The following NCAPH variants were observed in gnomAD, a reference collection of about 807,000 sequenced individuals.
The protein encoded by NCAPH is condensin complex subunit 2.
A neutral mutation model predicts 85.5 loss-of-function variants in NCAPH; 38 were observed. The ratio of observed to expected loss-of-function variants is 0.44; its 90% CI spans 0.34 to 0.58. The LOEUF (loss-of-function observed/expected upper bound fraction) is 0.58. NCAPH is among the 20% of genes least tolerant of loss of function. The probability of loss-of-function intolerance (pLI) is 0.01; values close to 1 mark genes in which losing one functional copy is unlikely to be tolerated. For synonymous variants in NCAPH, 301 were observed against 335.1 expected (o/e 0.90, Z 1.11); for missense variants, 789 against 916.6 (o/e 0.86, Z 1.80).
At chr2:96,363,493 GTTTA>G (rs2064654607) in intron 12 of NCAPH, among the ~76,000 whole-genome samples, 4 of 152,280 alleles carry the variant, frequency 2.6e-5, no homozygotes, top group East Asian at 3.9e-4. Context: ...CACATTGTGG[GTTTA>G]TTTGAGTTGT....
chr2:96,352,160 T>A, intron 7 of NCAPH, 140 bp downstream of exon 7: 1 of 865,070 alleles, frequency 1.2e-6, no homozygotes, highest in Non-Finnish European at 1.8e-6. Flanking sequence ...CCAAATTGTG[T>A]ATCCTTTTGG....
chr2:96,353,178 C>T (rs1470691865), intron 7 of NCAPH, 128 bp from the exon 8 acceptor site: 1 of 751,322 alleles, frequency 1.3e-6, no homozygotes. Context: ...ATACTTGAGC[C>T]TTTGCTGGAG....
Position 96,364,598 on chromosome 2 carries a change from G to C in NCAPH, c.1698+7G>C, listed in dbSNP as rs777535139. The C allele has an allele frequency of 1.0e-5, 16 of 1,571,064 alleles. No individual in the cohort carries two copies. Among genetic ancestry groups the C allele is most frequent in the East Asian group, 4.5e-5 (2 of 44,664 alleles). On this transcript the variant is annotated splice_region_variant and intron_variant, in intron 13 of 17. Transcript: ENST00000240423. ...CTTTTGCCCTGGATTACAGGTAAAG[G>C]GGGGAAAGGGGCTCTGTCCTCTCTT...
intron 10 of NCAPH, chr2:96,359,560 G>T: frequency 3.8e-6 from 1 of 260,426 alleles, no homozygotes; most frequent in South Asian, 6.9e-5. Context: ...AACTCCAAAG[G>T]GCTGTGCTGA....
Position 96,335,997 on chromosome 2 carries a change from G to C in NCAPH, c.19+149G>C, listed in dbSNP as rs887790969. On this transcript the variant is annotated intron_variant, in intron 1 of 17. Coordinates refer to ENST00000240423, the MANE Select transcript of NCAPH (RefSeq NM_015341.5). ...TGCGGCTGACAGCAGAGGCCGGTGC[G>C]GGGGGAGGGGAGGGCCGGCGCGGGG... 2.8e-5 allele frequency: 23 copies of C among 813,184 alleles called. No homozygotes were observed. The African/African-American group carries it at 2.9e-4, about 10-fold the overall frequency. The allele number at this position is 813,184 out of a possible 1,614,324, so 50.4% of individuals were successfully genotyped here.
intron 6 of NCAPH, among the ~76,000 whole-genome samples, chr2:96,350,936 T>C (rs1661884543): frequency 6.6e-6 from 1 of 152,374 alleles, no homozygotes; most frequent in South Asian, 2.1e-4. Context: ...TGATTCACCC[T>C]GTCCCTGTTC....
At chr2:96,363,314 A>G (rs1363357694) in intron 12 of NCAPH, among the ~76,000 whole-genome samples, 2 of 152,236 alleles carry the variant, frequency 1.3e-5, no homozygotes, top group African/African-American at 2.4e-5. Flanking sequence ...AAGTGCCTGT[A>G]TTAAACACTG....
At chr2:96,350,158 T>C (rs1250875583) in intron 6 of NCAPH, among the ~76,000 whole-genome samples, 1 of 152,264 alleles carries the variant, frequency 6.6e-6, no homozygotes, top group African/African-American at 2.4e-5. Flanking sequence ...ATTGTGGTCC[T>C]TCCTTACTGT....
intron 9 of NCAPH, among the ~76,000 whole-genome samples, chr2:96,358,631 G>A (rs922960374): frequency 2.0e-5 from 3 of 152,120 alleles, no homozygotes; most frequent in African/African-American, 7.2e-5. Context: ...ACCACGCCCG[G>A]CTAATTTTTT....
chr2:96,336,116 C>T (rs2064210519), intron 1 of NCAPH, among the ~76,000 whole-genome samples: 1 of 151,798 alleles, frequency 6.6e-6, no homozygotes, highest in South Asian at 2.1e-4. Context: ...AGTTCCCGGG[C>T]GGGCGGTGGG....
chr2:96,370,092 G>T (rs1173843585), intron 17 of NCAPH, among the ~76,000 whole-genome samples: 3 of 152,144 alleles, frequency 2.0e-5, no homozygotes, highest in Non-Finnish European at 4.4e-5. Flanking sequence ...CTCAGGAGCC[G>T]AGTGGTACTA....
In NCAPH at chr2:96,336,169, C is replaced by A. The variant is rs77510056; in HGVS notation, c.19+321C>A. ...CTCCTAAAGCGTGCTCGGTGTCTCT[C>A]CATTAAAATGGTGGTTTTCCTGGAA... On this transcript the variant is annotated intron_variant, in intron 1 of 17. Coordinates refer to ENST00000240423, the MANE Select transcript of NCAPH (RefSeq NM_015341.5). Among the ~76,000 whole-genome samples the A allele has an allele frequency of 8.8e-3, 1,340 of 152,240 alleles. 81 individuals carry two copies. In the East Asian group the frequency reaches 0.17, roughly 20 times the overall value.
At chr2:96,357,324 G>A (rs1014029440) in intron 9 of NCAPH, among the ~76,000 whole-genome samples, 1 of 152,210 alleles carries the variant, frequency 6.6e-6, no homozygotes, top group Non-Finnish European at 1.5e-5. Flanking sequence ...TTTGAAGTGG[G>A]CAGCCTTGAA....
chr2:96,354,929 C>T (rs1432790003), intron 9 of NCAPH, among the ~76,000 whole-genome samples: 1 of 152,130 alleles, frequency 6.6e-6, no homozygotes, highest in Non-Finnish European at 1.5e-5. Flanking sequence ...TCCCTTTGTA[C>T]ACATTGCTTA....
rs879564314 is a variant in NCAPH, at chr2:96,369,068, G to A, written c.2090+5G>A. The A allele has an allele frequency of 7.1e-6, 11 of 1,553,278 alleles. No homozygotes were observed. The highest frequency in any genetic ancestry group is 2.0e-5 in the Admixed American group (1 of 51,070). ...CACGAAGGACCTGCAGAGGAGGTGCGGGCTGGCAGGCATGGGGGCTTTGTT... is the reference window on the plus strand; with the variant it reads ...CACGAAGGACCTGCAGAGGAGGTGCAGGCTGGCAGGCATGGGGGCTTTGTT... On this transcript the variant is annotated splice_donor_5th_base_variant and intron_variant, in intron 16 of 17. Coordinates refer to ENST00000240423, the MANE Select transcript of NCAPH (RefSeq NM_015341.5).
At chr2:96,364,394 A>T in intron 12 of NCAPH, 87 bp from the exon 13 acceptor site, 1 of 814,496 alleles carries the variant, frequency 1.2e-6, no homozygotes, top group Non-Finnish European at 2.0e-6. Context: ...CTAGGAGGAG[A>T]TTGGGCATAG....
chr2:96,338,952 A>G (rs1358137588), intron 1 of NCAPH, among the ~76,000 whole-genome samples: 1 of 152,056 alleles, frequency 6.6e-6, no homozygotes, highest in Non-Finnish European at 1.5e-5. Flanking sequence ...CTGGGACTAC[A>G]GGCACCCGCC....
chr2:96,341,222 C>G (rs2064290129), intron 1 of NCAPH, among the ~76,000 whole-genome samples: 1 of 152,114 alleles, frequency 6.6e-6, no homozygotes, highest in African/African-American at 2.4e-5. Context: ...TATGGAGGAG[C>G]TGGAATTAGA....
In NCAPH at chr2:96,369,067, C is replaced by T. The variant is rs377128682; in HGVS notation, c.2090+4C>T. The T allele has an allele frequency of 2.8e-5, 43 of 1,553,414 alleles. No individual in the cohort carries two copies. In the African/African-American group the frequency reaches 4.5e-4, roughly 16 times the overall value. On this transcript the variant is annotated splice_donor_region_variant and intron_variant, in intron 16 of 17. Coordinates refer to ENST00000240423, the MANE Select transcript of NCAPH (RefSeq NM_015341.5). ...TCACGAAGGACCTGCAGAGGAGGTG[C>T]GGGCTGGCAGGCATGGGGGCTTTGT... is the stretch of plus-strand genomic sequence containing the variant.
Sources: allele counts gnomAD v4.1 joint callset (sites outside exome capture counted in the v4.1 genomes callset), GRCh38; gene constraint gnomAD v4.1.1; transcripts MANE v1.5; gene names NCBI Gene and HGNC (gene_info 2026-07-23, HGNC 2026-07-21).